Variants in GRIK4 observed in about 807,000 individuals in gnomAD.
GRIK4 encodes glutamate ionotropic receptor kainate type subunit 4, also known as glutamate receptor ionotropic, kainate 4.
Under a neutral mutation model 104.9 loss-of-function variants are expected in GRIK4, and 40 were observed. The observed-to-expected ratio is 0.38, with a 90% CI of 0.30 to 0.50. GRIK4 has a LOEUF of 0.50. Among genes scored for constraint, GRIK4 ranks in the 20% least tolerant of loss-of-function variants. The probability of loss-of-function intolerance (pLI) is 0.93; values close to 1 mark genes in which losing one functional copy is unlikely to be tolerated. For missense variants in GRIK4, 1,047 were observed against 1,308.1 expected, an observed-to-expected ratio of 0.80 and a Z score of 3.08; for synonymous variants, 485 against 524.9, an observed-to-expected ratio of 0.92 and a Z score of 1.04.
chr11:120,792,654 T>C lies in GRIK4; in HGVS notation c.83-10039T>C, dbSNP rs1954787. 0.46 allele frequency among the ~76,000 whole-genome samples: 69,573 copies of C among 151,946 alleles called. 18,642 individuals are homozygous for C. The highest frequency in any genetic ancestry group is 0.84 in the East Asian group (4,365 of 5,168). The stretch of plus-strand genomic sequence containing the variant: ...CCAAAAGCAATTGGAGACTGGTTAT[T>C]GGAAGGTGCGGAATTGGGTGAAGGC... On this transcript the variant is annotated intron_variant, in intron 3 of 20. Coordinates refer to ENST00000527524, the MANE Select transcript of GRIK4 (RefSeq NM_014619.5).
intron 20 of GRIK4, 79 bp from the exon 21 acceptor site, chr11:120,985,825 T>A: frequency 7.6e-7 from 1 of 1,309,204 alleles, no homozygotes; most frequent in Non-Finnish European, 1.1e-6. Context: ...GCCCCCTTCA[T>A]CCCTCATCCC....
At chr11:120,804,642 C>T (rs766499061) in intron 4 of GRIK4, among the ~76,000 whole-genome samples, 1 of 152,190 alleles carries the variant, frequency 6.6e-6, no homozygotes, top group Non-Finnish European at 1.5e-5. Context: ...TTCAGGATAT[C>T]GGGCATTGGG....
intron 3 of GRIK4, among the ~76,000 whole-genome samples, chr11:120,732,371 G>T (rs944360342): frequency 2.0e-5 from 3 of 152,138 alleles, no homozygotes; most frequent in Non-Finnish European, 4.4e-5. Flanking sequence ...CTGACCTTGT[G>T]ATCTGCCCGC....
chr11:120,890,248 G>C (rs1955246722), intron 11 of GRIK4, among the ~76,000 whole-genome samples: 1 of 152,172 alleles, frequency 6.6e-6, no homozygotes, highest in African/African-American at 2.4e-5. Flanking sequence ...TTTATTTCCA[G>C]ATGGAGAAGG....
In GRIK4 at chr11:120,967,622, C is replaced by T. The variant is rs1167934969; in HGVS notation, c.2395+299C>T. Among the ~76,000 whole-genome samples, 1 of 152,224 alleles carries T rather than the reference C, an allele frequency of 6.6e-6. No individual in the cohort carries two copies. The highest frequency in any genetic ancestry group is 1.5e-5 in the Non-Finnish European group (1 of 68,040). ...CTTCTACCCTGGCCCATCATCTCCA[C>T]ACCTGTGCAGTCACAGTCGCCTGGT... On this transcript the variant is annotated intron_variant, in intron 19 of 20. Transcript: ENST00000527524. This position sits in a 1 kb window ranked among gnomAD's most constrained non-coding sequence, Gnocchi z 4.2.
chr11:120,971,906 G>C (rs1041338943), intron 19 of GRIK4, among the ~76,000 whole-genome samples: 2 of 152,184 alleles, frequency 1.3e-5, no homozygotes, highest in Admixed American at 6.5e-5. Flanking sequence ...AAGGTACTTG[G>C]ACTGCAACCA....
intron 3 of GRIK4, among the ~76,000 whole-genome samples, chr11:120,761,134 G>A (rs576813341): frequency 1.3e-5 from 2 of 152,168 alleles, no homozygotes; most frequent in African/African-American, 4.8e-5. Context: ...TTTAATGATC[G>A]TCATTCTAAG....
intron 3 of GRIK4, among the ~76,000 whole-genome samples, chr11:120,725,259 G>A (rs895628110): frequency 6.6e-6 from 1 of 152,220 alleles, no homozygotes; most frequent in Non-Finnish European, 1.5e-5. Flanking sequence ...TGTCCTGAGT[G>A]AAAGGTTTAG....
intron 1 of GRIK4, among the ~76,000 whole-genome samples, chr11:120,544,872 A>G (rs1333090427): frequency 1.3e-5 from 2 of 152,132 alleles, no homozygotes; most frequent in African/African-American, 4.8e-5. Flanking sequence ...CCACTAAGGG[A>G]CCATAAGATG....
At chr11:120,668,690 G>A (rs941668858) in intron 3 of GRIK4, among the ~76,000 whole-genome samples, 1 of 152,198 alleles carries the variant, frequency 6.6e-6, no homozygotes, top group Non-Finnish European at 1.5e-5. Context: ...GGAAACACTG[G>A]AGTTGGCTCC....
intron 4 of GRIK4, 128 bp downstream of exon 4, chr11:120,802,985 G>A: frequency 1.2e-6 from 1 of 847,104 alleles, no homozygotes; most frequent in African/African-American, 1.7e-5. Flanking sequence ...AGGAAGGAGA[G>A]GAACTTGAAC....
intron 1 of GRIK4, among the ~76,000 whole-genome samples, chr11:120,543,621 A>C (rs867585068): frequency 6.6e-6 from 1 of 152,104 alleles, no homozygotes; most frequent in African/African-American, 2.4e-5. Flanking sequence ...AAATAGAACT[A>C]CCATACAAGC....
chr11:120,615,380 T>C (rs1301646504), intron 1 of GRIK4, among the ~76,000 whole-genome samples: 1 of 152,200 alleles, frequency 6.6e-6, no homozygotes, highest in East Asian at 1.9e-4. Flanking sequence ...AAAAATAAGA[T>C]TCAATCCAAC....
chr11:120,541,923 A>C (rs1339881043), intron 1 of GRIK4, among the ~76,000 whole-genome samples: 2 of 151,824 alleles, frequency 1.3e-5, no homozygotes, highest in Admixed American at 1.3e-4. Context: ...AATCCATATC[A>C]AAATTCCAAA....
chr11:120,586,831 T>C (rs935687505), intron 1 of GRIK4, among the ~76,000 whole-genome samples: 7 of 152,114 alleles, frequency 4.6e-5, no homozygotes, highest in African/African-American at 1.7e-4. Flanking sequence ...CCATTCCTGA[T>C]GTGTGGTTAG....
rs1416689310 is a variant in GRIK4, at chr11:120,513,975, G to A, written c.-159+2088G>A. Among the ~76,000 whole-genome samples, 1 of 152,204 alleles carries A rather than the reference G, an allele frequency of 6.6e-6. No homozygotes were observed. Among genetic ancestry groups the A allele is most frequent in the Non-Finnish European group, 1.5e-5 (1 of 68,034 alleles). Reference sequence around the variant, plus strand: ...TGGAGAGGGAACTTTAGTACCGGGAGAGAGGCAGAGACTCTAGGAGAAAGT... The same window carrying A: ...TGGAGAGGGAACTTTAGTACCGGGAAAGAGGCAGAGACTCTAGGAGAAAGT... On this transcript the variant is annotated intron_variant, in intron 1 of 20. Coordinates refer to ENST00000527524, the MANE Select transcript of GRIK4 (RefSeq NM_014619.5). The surrounding 1 kb of genome is among the most constrained non-coding windows in gnomAD (Gnocchi z 4.5).
intron 3 of GRIK4, among the ~76,000 whole-genome samples, chr11:120,696,522 G>T (rs550970901): frequency 4.2e-5 from 6 of 143,898 alleles, no homozygotes; most frequent in African/African-American, 1.5e-4. Flanking sequence ...GCTTAAATCT[G>T]GGGGGGCCCA....
intron 1 of GRIK4, among the ~76,000 whole-genome samples, chr11:120,551,125 A>C (rs570862952): frequency 2.6e-5 from 4 of 152,098 alleles, no homozygotes; most frequent in Non-Finnish European, 5.9e-5. Flanking sequence ...CCCAACATAC[A>C]TGGAGGGAGG....
chr11:120,553,017 A>C (rs1948154677), intron 1 of GRIK4, among the ~76,000 whole-genome samples: 2 of 152,118 alleles, frequency 1.3e-5, no homozygotes, highest in Non-Finnish European at 2.9e-5. Context: ...GAAAAAAAAA[A>C]AAAAAAGAAG....
Sources: allele counts gnomAD v4.1 joint callset (sites outside exome capture counted in the v4.1 genomes callset), GRCh38; gene constraint gnomAD v4.1.1; non-coding constraint Gnocchi (gnomAD v3.1); transcripts MANE v1.5; gene names NCBI Gene and HGNC (gene_info 2026-07-23, HGNC 2026-07-21).